Variants in TTLL8 observed in about 807,000 individuals in gnomAD.
TTLL8 encodes protein monoglycylase TTLL8.
In TTLL8, 65 loss-of-function variants were observed where a neutral mutation model predicts 77.8. The ratio of observed to expected loss-of-function variants is 0.84; its 90% confidence interval spans 0.68 to 1.03. The LOEUF is 1.03. Ranked by LOEUF, TTLL8 falls within the 50% of genes least tolerant of loss-of-function variation. TTLL8 has a pLI of 0.00. For synonymous variants in TTLL8, 402 were observed against 422.8 expected, an observed-to-expected ratio of 0.95 and a Z score of 0.60; for missense variants, 910 against 1,004.5, an observed-to-expected ratio of 0.91 and a Z score of 1.27.
intron 1 of TTLL8, among the ~76,000 whole-genome samples, chr22:50,053,787 T>C (rs1362981252): frequency 1.3e-5 from 2 of 152,284 alleles, no homozygotes; most frequent in East Asian, 3.9e-4. Context: ...TTTATGAAGA[T>C]TGCTGCCTGA....
At chr22:50,055,281 A>T (rs1334268491), upstream of TTLL8, 1 of 1,289,978 alleles carries the variant, frequency 7.8e-7, no homozygotes, top group Non-Finnish European at 1.0e-6. Flanking sequence ...TATCTGTCTA[A>T]TCTGGAGGAA....
intron 3 of TTLL8, among the ~76,000 whole-genome samples, chr22:50,048,771 G>A (rs1344845105): frequency 6.6e-5 from 10 of 152,300 alleles, no homozygotes; most frequent in South Asian, 2.1e-4. Context: ...TGCAAATGCC[G>A]CCTCCCACCC....
rs1430748235 is a variant in TTLL8, at chr22:50,029,417, A to ACC, written c.2203+1012_2203+1013insGG. Among the ~76,000 whole-genome samples the ACC allele has an allele frequency of 1.5e-4, 6 of 38,902 alleles. No homozygotes were observed. The South Asian group carries it at 2.8e-3, about 18-fold the overall frequency. 25.5% of individuals were successfully genotyped at this position (38,902 alleles called of 152,430 possible). A position where few individuals can be genotyped will look rare whatever the true frequency, so the allele number is the denominator to read the frequency against. ...ACACCATCCTGAAGACCCCACACAC[A>ACC]CTCGTAAAGACCCCATCACACCGTC... On this transcript the variant is annotated intron_variant, in intron 12 of 13. Coordinates refer to ENST00000266182, the Ensembl canonical transcript of TTLL8.
At chr22:50,033,118 C>T in intron 10 of TTLL8, 84 bp downstream of exon 11, 1 of 1,255,204 alleles carries the variant, frequency 8.0e-7, no homozygotes, top group Non-Finnish European at 1.0e-6. Context: ...CCTGCCCGTG[C>T]TGCTTCTCAC....
At chr22:50,047,133 C>T (rs1365812324) in intron 4 of TTLL8, 35 bp downstream of exon 6, 2 of 1,364,148 alleles carry the variant, frequency 1.5e-6, no homozygotes, top group African/African-American at 3.0e-5. Context: ...ACCACCCTTG[C>T]CGGCTCCCGC....
At chr22:50,033,265 C>G in exon 10 of TTLL8, 1 of 1,361,038 alleles carries the variant, frequency 7.3e-7, no homozygotes, top group Non-Finnish European at 9.8e-7. Flanking sequence ...CTTGTAGAAC[C>G]AGATGGTCAG....
chr22:50,050,091 G>GCGCCT lies in TTLL8; in HGVS notation c.190+13_190+17dup. ...ACGCACACGCCCTGAGCTGAGACGT[G>GCGCCT]CGCCTCCGATACGCTACCATTGACC... is the stretch of plus-strand genomic sequence containing the variant. On this transcript the variant is annotated intron_variant, in intron 2 of 13. Transcript: ENST00000266182. 7.3e-7 allele frequency: 1 copy of GCGCCT among 1,365,072 alleles called. No homozygotes were observed. The highest frequency in any genetic ancestry group is 9.8e-7 in the Non-Finnish European group (1 of 1,021,350). The allele number at this position is 1,365,072 out of a possible 1,614,324, so 84.6% of individuals were successfully genotyped here.
intron 8 of TTLL8, among the ~76,000 whole-genome samples, chr22:50,036,939 G>A (rs919055388): frequency 6.6e-6 from 1 of 151,988 alleles, no homozygotes; most frequent in African/African-American, 2.4e-5. Flanking sequence ...ATTCATCCAC[G>A]CTGCAGCATA....
intron 12 of TTLL8, among the ~76,000 whole-genome samples, chr22:50,020,270 G>C (rs967906067): frequency 6.9e-6 from 1 of 145,716 alleles, no homozygotes; most frequent in Admixed American, 6.8e-5. Flanking sequence ...TCCATCTGAC[G>C]TGCACTCCTC....
intron 10 of TTLL8, 158 bp downstream of exon 11, chr22:50,033,044 C>A (rs2061308866): frequency 1.3e-6 from 1 of 777,788 alleles, no homozygotes; most frequent in Non-Finnish European, 1.6e-6. Flanking sequence ...GGGAGATCAT[C>A]AGCCTCCCAA....
intron 11 of TTLL8, 25 bp downstream of exon 12, chr22:50,031,661 G>C: frequency 1.6e-6 from 2 of 1,241,736 alleles, no homozygotes; most frequent in Non-Finnish European, 2.1e-6. Context: ...GGCCACCAAA[G>C]TCCCCAGGGG....
chr22:50,043,450 G>A (rs535918662), intron 6 of TTLL8, among the ~76,000 whole-genome samples: 53 of 127,726 alleles, frequency 4.1e-4, no homozygotes, highest in South Asian at 1.4e-3. Flanking sequence ...GACGTCCTTC[G>A]GTAGATGGAT....
At chr22:50,024,560 G>A (rs1437397175) in intron 12 of TTLL8, among the ~76,000 whole-genome samples, 1 of 152,220 alleles carries the variant, frequency 6.6e-6, no homozygotes, top group Non-Finnish European at 1.5e-5. Context: ...TGGGAGGAAG[G>A]ATGGTCTTTT....
upstream of TTLL8, chr22:50,056,659 C>T (rs186892662): frequency 1.2e-3 from 805 of 686,998 alleles, 9 homozygotes; most frequent in African/African-American, 0.014. This position sits in a 1 kb window ranked among gnomAD's most constrained non-coding sequence, Gnocchi z 4.1. Context: ...CCAGTGGGAT[C>T]GGGGTACAGG....
chr22:50,034,391 C>G lies in TTLL8; in HGVS notation c.993G>C (p.Trp331Cys), dbSNP rs751094891. 2.2e-6 allele frequency: 3 copies of G among 1,367,280 alleles called. No individual in the cohort carries two copies. The highest frequency in any genetic ancestry group is 3.8e-5 in the Admixed American group (2 of 52,598). 84.7% of individuals were successfully genotyped at this position (1,367,280 alleles called of 1,614,324 possible). Reference sequence around the variant, plus strand: ...GGGACTTGGCCGCGGGCTTTATAATCCAGATGTTCCGGAGCCCGTCAATGT... The same window carrying G: ...GGGACTTGGCCGCGGGCTTTATAATGCAGATGTTCCGGAGCCCGTCAATGT... The change falls in exon 9 of 14, where the codon TGG becomes TGC. Residue 331 changes from tryptophan (W) to cysteine (C), a missense_variant. Physicochemically the swap from Trp to Cys is radical, Grantham distance 215. This residue lies in a region of TTLL8 where 776 missense variants were observed against 926.1 expected (regional missense o/e 0.84). Coordinates refer to ENST00000266182, the Ensembl canonical transcript of TTLL8. This position sits in a 1 kb window ranked among gnomAD's most constrained non-coding sequence, Gnocchi z 4.1.
At chr22:50,032,326 C>T (rs1056673375) in intron 10 of TTLL8, among the ~76,000 whole-genome samples, 1 of 152,210 alleles carries the variant, frequency 6.6e-6, no homozygotes, top group Non-Finnish European at 1.5e-5. Flanking sequence ...GCCAGGCGCA[C>T]AGCTCACAGC....
chr22:50,022,204 C>G (rs528831780), intron 12 of TTLL8, among the ~76,000 whole-genome samples: 1 of 135,508 alleles, frequency 7.4e-6, no homozygotes, highest in East Asian at 2.5e-4. Context: ...CATCTGACGA[C>G]GTGCACTCCT....
At chr22:50,056,577 A>G (rs898552077), upstream of TTLL8, among the ~76,000 whole-genome samples, 1 of 152,210 alleles carries the variant, frequency 6.6e-6, no homozygotes, top group Non-Finnish European at 1.5e-5. The surrounding 1 kb of genome is among the most constrained non-coding windows in gnomAD (Gnocchi z 4.1). Flanking sequence ...AGGCGAGTGC[A>G]GGGCCTCCAC....
intron 1 of TTLL8, among the ~76,000 whole-genome samples, chr22:50,053,621 G>A (rs936644861): frequency 1.3e-5 from 2 of 152,170 alleles, no homozygotes; most frequent in African/African-American, 4.8e-5. Context: ...GAAAATTAAT[G>A]AGCGGATATG....
Sources: allele counts gnomAD v4.1 joint callset (sites outside exome capture counted in the v4.1 genomes callset), GRCh38; gene constraint gnomAD v4.1.1; regional missense constraint gnomAD v4.1.1; non-coding constraint Gnocchi (gnomAD v3.1); transcripts MANE v1.5; gene names NCBI Gene and HGNC (gene_info 2026-07-23, HGNC 2026-07-21).